Variants in ANO6 observed in about 807,000 individuals in gnomAD.
The protein encoded by ANO6 is anoctamin 6.
In ANO6, 106 loss-of-function variants were observed where a neutral mutation model predicts 117.5. The observed-to-expected ratio is 0.90, with a 90% CI of 0.77 to 1.06. The LOEUF (loss-of-function observed/expected upper bound fraction) is 1.06. Among genes scored for constraint, ANO6 ranks in the 50% least tolerant of loss-of-function variants. The pLI is 0.00. For missense variants in ANO6, 955 were observed against 1,121.1 expected, an observed-to-expected ratio of 0.85 and a Z score of 2.12; for synonymous variants, 367 against 385.1, an observed-to-expected ratio of 0.95 and a Z score of 0.55.
intron 8 of ANO6, among the ~76,000 whole-genome samples, chr12:45,358,616 T>G (rs59757947): frequency 2.4e-3 from 362 of 152,320 alleles, no homozygotes; most frequent in African/African-American, 8.2e-3. Flanking sequence ...TCACACAGAT[T>G]AATTTGCAGA....
intron 8 of ANO6, among the ~76,000 whole-genome samples, chr12:45,358,416 G>A (rs1282415764): frequency 6.6e-6 from 1 of 151,806 alleles, no homozygotes; most frequent in Non-Finnish European, 1.5e-5. Context: ...GCTGAATGTT[G>A]TTACCTTTTC....
chr12:45,240,915 A>T (rs969394604), intron 1 of ANO6, among the ~76,000 whole-genome samples: 4 of 152,030 alleles, frequency 2.6e-5, no homozygotes, highest in Middle Eastern at 3.2e-3. Context: ...CTGCTGAGAG[A>T]TGCGCTGTTT....
chr12:45,377,016 A>G (rs1340310144), intron 9 of ANO6, among the ~76,000 whole-genome samples: 1 of 152,150 alleles, frequency 6.6e-6, no homozygotes, highest in East Asian at 1.9e-4. Context: ...TATGAAGATA[A>G]CTAATATTTT....
chr12:45,326,775 T>C (rs1940480809), intron 2 of ANO6, among the ~76,000 whole-genome samples: 1 of 152,230 alleles, frequency 6.6e-6, no homozygotes, highest in African/African-American at 2.4e-5. Context: ...CTTCTGAAGC[T>C]GTCTTATTCA....
chr12:45,270,662 G>T lies in ANO6; in HGVS notation c.71-31352G>T, dbSNP rs148187493. ...GGTTTCAGATAATATTTGTTGAATTGAAGTTCTGTAACTTTTTATTCCTCA... is the reference window on the plus strand; with the variant it reads ...GGTTTCAGATAATATTTGTTGAATTTAAGTTCTGTAACTTTTTATTCCTCA... On this transcript the variant is annotated intron_variant, in intron 1 of 19. Coordinates refer to ENST00000320560, the MANE Select transcript of ANO6 (RefSeq NM_001025356.3). The T allele has an allele frequency of 4.8e-5, 22 of 456,122 alleles. No individual in the cohort carries two copies. In the East Asian group the frequency reaches 7.3e-4, roughly 15 times the overall value. 28.3% of individuals were successfully genotyped at this position (456,122 alleles called of 1,614,324 possible).
chr12:45,295,109 C>G (rs1458867169), intron 1 of ANO6, among the ~76,000 whole-genome samples: 3 of 152,208 alleles, frequency 2.0e-5, no homozygotes, highest in Non-Finnish European at 2.9e-5. Flanking sequence ...TCTTATGATT[C>G]AAGTCCATTG....
intron 2 of ANO6, among the ~76,000 whole-genome samples, chr12:45,320,108 T>C (rs1343815253): frequency 6.6e-6 from 1 of 152,044 alleles, no homozygotes. Context: ...TTATTTGTGT[T>C]TCTATCTCCT....
At chr12:45,401,698 C>A in intron 12 of ANO6, 97 bp from the exon 13 acceptor site, 1 of 1,018,942 alleles carries the variant, frequency 9.8e-7, no homozygotes, top group Non-Finnish European at 1.5e-6. Context: ...ATTTACATCA[C>A]TTTACACACA....
chr12:45,243,420 C>G (rs1309679744), intron 1 of ANO6, among the ~76,000 whole-genome samples: 2 of 152,178 alleles, frequency 1.3e-5, no homozygotes, highest in African/African-American at 2.4e-5. Flanking sequence ...AAAATTACCA[C>G]TTTCTTAGTA....
exon 20 of ANO6, chr12:45,440,012 T>G: frequency 7.4e-7 from 1 of 1,351,578 alleles, no homozygotes; most frequent in East Asian, 2.7e-5. Flanking sequence ...GTGCTCAAGA[T>G]AGAGTAGCAT....
Position 45,299,951 on chromosome 12 carries a change from A to G in ANO6, c.71-2063A>G, listed in dbSNP as rs1254435996. 2.6e-5 allele frequency among the ~76,000 whole-genome samples: 4 copies of G among 152,202 alleles called. No homozygotes were observed. In the East Asian group the frequency reaches 7.7e-4, roughly 29 times the overall value. On this transcript the variant is annotated intron_variant, in intron 1 of 19. Coordinates refer to ENST00000320560, the MANE Select transcript of ANO6 (RefSeq NM_001025356.3). ...AGTATTTGGTAACTGAATTGGCTAA[A>G]TTATTGGCTGATATTTTGGTTTTGT...
chr12:45,318,902 A>G (rs906331815), intron 2 of ANO6, among the ~76,000 whole-genome samples: 27 of 152,156 alleles, frequency 1.8e-4, no homozygotes, highest in Non-Finnish European at 2.6e-4. Context: ...GAGTTCACTC[A>G]TGATTTGGCT....
chr12:45,301,626 A>G (rs190914547), intron 1 of ANO6, among the ~76,000 whole-genome samples: 44 of 151,956 alleles, frequency 2.9e-4, no homozygotes, highest in African/African-American at 1.0e-3. Flanking sequence ...CAAAAAAAAA[A>G]AAAAAAGAAA....
intron 9 of ANO6, among the ~76,000 whole-genome samples, chr12:45,372,142 G>A (rs1941860199): frequency 6.6e-6 from 1 of 152,198 alleles, no homozygotes; most frequent in Non-Finnish European, 1.5e-5. Context: ...GAAATGAAAG[G>A]AGAAGGGAAG....
intron 1 of ANO6, among the ~76,000 whole-genome samples, chr12:45,281,137 C>A (rs1214296210): frequency 6.6e-6 from 1 of 151,884 alleles, no homozygotes; most frequent in African/African-American, 2.4e-5. Flanking sequence ...AAAAAATGAA[C>A]AAAAATATAT....
intron 2 of ANO6, among the ~76,000 whole-genome samples, chr12:45,318,610 T>C (rs937550845): frequency 1.8e-4 from 27 of 152,018 alleles, no homozygotes; most frequent in Non-Finnish European, 3.2e-4. Flanking sequence ...AATGCGGGCT[T>C]TTTTTTGGTT....
intron 2 of ANO6, among the ~76,000 whole-genome samples, chr12:45,326,432 G>A (rs1213064623): frequency 2.0e-5 from 3 of 152,130 alleles, no homozygotes; most frequent in Non-Finnish European, 4.4e-5. Context: ...TGAATCTAAA[G>A]AAATATGTGA....
intron 2 of ANO6, among the ~76,000 whole-genome samples, chr12:45,330,128 C>A (rs1940613719): frequency 6.6e-6 from 1 of 152,084 alleles, no homozygotes; most frequent in Admixed American, 6.6e-5. Flanking sequence ...ACATCAGCAG[C>A]ATTCATTCTG....
intron 19 of ANO6, among the ~76,000 whole-genome samples, chr12:45,424,477 A>G (rs1306814988): frequency 6.6e-6 from 1 of 151,744 alleles, no homozygotes; most frequent in African/African-American, 2.4e-5. Context: ...ACCTGGGACT[A>G]CAGGTGCACA....
Sources: gnomAD v4.1 joint callset for allele counts (sites outside exome capture counted in the v4.1 genomes callset) on GRCh38, gnomAD v4.1.1 for gene constraint, MANE v1.5 for transcripts, NCBI Gene and HGNC (gene_info 2026-07-23, HGNC 2026-07-21) for gene names.